The following PPM1L variants were observed in gnomAD, a reference collection of about 807,000 sequenced individuals.
PPM1L encodes the protein protein phosphatase, Mg2+/Mn2+ dependent 1L, also known as protein phosphatase 1L.
In PPM1L, 13 loss-of-function variants were observed where a neutral mutation model predicts 31.4. That is an observed-to-expected ratio of 0.41 (90% CI 0.27 to 0.66). PPM1L has a LOEUF of 0.66. PPM1L is among the 30% of genes least tolerant of loss of function. The pLI, the probability that PPM1L is intolerant of heterozygous loss-of-function variation, is 0.29. For missense variants in PPM1L, 326 were observed against 453.7 expected (o/e 0.72, Z 2.56); for synonymous variants, 184 against 175.4 (o/e 1.05, Z -0.39).
At chr3:160,838,326 G>C (rs747176945) in intron 1 of PPM1L, among the ~76,000 whole-genome samples, 7 of 152,178 alleles carry the variant, frequency 4.6e-5, no homozygotes. Flanking sequence ...CCAACTCATA[G>C]TGGATTAAGT....
chr3:160,939,342 T>C (rs150926462), intron 1 of PPM1L, among the ~76,000 whole-genome samples: 5 of 152,318 alleles, frequency 3.3e-5, no homozygotes, highest in East Asian at 1.9e-4. Flanking sequence ...TTATATAGAA[T>C]GTACTCTCCA....
At chr3:160,979,072 G>A (rs1044966131) in intron 2 of PPM1L, among the ~76,000 whole-genome samples, 1 of 151,906 alleles carries the variant, frequency 6.6e-6, no homozygotes, top group Non-Finnish European at 1.5e-5. Flanking sequence ...TGTTTTGTTT[G>A]ATGTAACGGC....
chr3:160,774,600 T>G (rs1711516822), intron 1 of PPM1L, among the ~76,000 whole-genome samples: 1 of 152,256 alleles, frequency 6.6e-6, no homozygotes, highest in East Asian at 1.9e-4. Context: ...TCTTACCTTC[T>G]GTTGTTTGCC....
In PPM1L at chr3:161,069,310, C is replaced by T. The variant is rs770357378; in HGVS notation, c.*153C>T. On this transcript the variant is annotated 3_prime_UTR_variant, in exon 4 of 4. Transcript: ENST00000498165. ...GTGGTCTTAGGTCTATAATCAGTGA[C>T]GAACAGAGGGTGCCCTTGGCCAATG... 5.6e-5 allele frequency: 36 copies of T among 644,218 alleles called. No individual in the cohort carries two copies. Among genetic ancestry groups the T allele is most frequent in the East Asian group, 3.3e-4 (12 of 36,300 alleles). The allele number at this position is 644,218 out of a possible 1,614,324, so 39.9% of individuals were successfully genotyped here. A position where few individuals can be genotyped will look rare whatever the true frequency, so the allele number is the denominator to read the frequency against.
intron 2 of PPM1L, among the ~76,000 whole-genome samples, chr3:161,032,638 G>A (rs186238613): frequency 3.9e-5 from 6 of 151,916 alleles, no homozygotes; most frequent in African/African-American, 1.4e-4. Context: ...TTGAAGGCTT[G>A]GAGCATGCTT....
Position 160,776,895 on chromosome 3 carries a change from G to A in PPM1L, c.399+20188G>A, listed in dbSNP as rs569225654. ...ATTACAGGCGTGAGCCACCATGCCC[G>A]GCCCTTGGTGGCTTTTATAGAATGG... On this transcript the variant is annotated intron_variant, in intron 1 of 3. Transcript: ENST00000498165. Among the ~76,000 whole-genome samples the A allele has an allele frequency of 4.7e-5, 7 of 149,732 alleles. 1 individual carries two copies. The highest frequency in any genetic ancestry group is 2.3e-4 in the South Asian group (1 of 4,426).
intron 2 of PPM1L, among the ~76,000 whole-genome samples, chr3:161,060,471 G>T (rs1719536009): frequency 1.3e-5 from 2 of 152,160 alleles, no homozygotes; most frequent in South Asian, 4.1e-4. Context: ...AAATGACAGT[G>T]GTTGGGACTG....
At chr3:160,954,956 CTTCCTTTCCTTTCCT>C (rs1553749481) in intron 1 of PPM1L, among the ~76,000 whole-genome samples, 1 of 77,434 alleles carries the variant, frequency 1.3e-5, no homozygotes, top group Non-Finnish European at 2.4e-5. Flanking sequence ...TCCTTCCTTC[CTTCCTTTCCTTTCCT>C]TTCCTTTCCT....
intron 1 of PPM1L, among the ~76,000 whole-genome samples, chr3:160,783,211 A>C (rs979025115): frequency 1.3e-5 from 2 of 152,190 alleles, no homozygotes; most frequent in East Asian, 3.8e-4. Context: ...CAATTGTTTC[A>C]TCATGATGAT....
At chr3:161,031,552 G>T (rs1262124136) in intron 2 of PPM1L, among the ~76,000 whole-genome samples, 1 of 133,454 alleles carries the variant, frequency 7.5e-6, no homozygotes, top group Admixed American at 8.7e-5. Flanking sequence ...CCATGCTGGA[G>T]TGCAGTGGTG....
chr3:160,819,082 C>A (rs182501104), intron 1 of PPM1L, among the ~76,000 whole-genome samples: 1 of 151,928 alleles, frequency 6.6e-6, no homozygotes, highest in East Asian at 1.9e-4. Flanking sequence ...TGGTATAAAC[C>A]ATAATGATGG....
chr3:160,902,244 T>C (rs1713569733), intron 1 of PPM1L, among the ~76,000 whole-genome samples: 1 of 152,148 alleles, frequency 6.6e-6, no homozygotes, highest in Admixed American at 6.6e-5. Context: ...TTGTAATAGT[T>C]CCACAGCCCT....
chr3:160,868,166 T>G (rs1457673540), intron 1 of PPM1L, among the ~76,000 whole-genome samples: 1 of 152,212 alleles, frequency 6.6e-6, no homozygotes, highest in Non-Finnish European at 1.5e-5. Flanking sequence ...AACTGAGCAC[T>G]CCTAATACCT....
At chr3:160,836,102 T>C (rs939939266) in intron 1 of PPM1L, among the ~76,000 whole-genome samples, 1 of 152,172 alleles carries the variant, frequency 6.6e-6, no homozygotes, top group Non-Finnish European at 1.5e-5. Context: ...GCTCTAACTA[T>C]GACAGATAGG....
At position 161,075,975 on chromosome 3, in the gene PPM1L, G is replaced by A. The variant is rs1720084768; in HGVS notation, c.*6818G>A. The A allele has an allele frequency of 6.6e-6, 1 of 152,144 alleles. No homozygotes were observed. The highest frequency in any genetic ancestry group is 1.5e-5 in the Non-Finnish European group (1 of 68,040). The allele number at this position is 152,144 out of a possible 1,614,324, so 9.4% of individuals were successfully genotyped here. A position where few individuals can be genotyped will look rare whatever the true frequency, so the allele number is the denominator to read the frequency against. ...TGAAGTCAGATAAACACAGTCACAG[G>A]TACAACTGGGAGCGAGTTTTAACAT... On this transcript the variant is annotated 3_prime_UTR_variant, in exon 4 of 4. Transcript: ENST00000498165.
At chr3:160,858,394 C>T (rs1019319528) in intron 1 of PPM1L, among the ~76,000 whole-genome samples, 1 of 152,052 alleles carries the variant, frequency 6.6e-6, no homozygotes, top group Non-Finnish European at 1.5e-5. Flanking sequence ...TTGCAGGAGC[C>T]TGCCACCACG....
intron 1 of PPM1L, among the ~76,000 whole-genome samples, chr3:160,820,409 T>G (rs888327273): frequency 1.3e-5 from 2 of 152,072 alleles, no homozygotes; most frequent in African/African-American, 4.8e-5. Context: ...GATGTAAAAT[T>G]TAATGTGCTA....
At chr3:160,977,917 T>G (rs928193989) in intron 2 of PPM1L, among the ~76,000 whole-genome samples, 1 of 152,194 alleles carries the variant, frequency 6.6e-6, no homozygotes, top group Non-Finnish European at 1.5e-5. Flanking sequence ...TCATAAAGAC[T>G]TTATCACAAG....
At position 160,799,171 on chromosome 3, in the gene PPM1L, A is replaced by T. The variant is rs141746209; in HGVS notation, c.399+42464A>T. Among the ~76,000 whole-genome samples the T allele has an allele frequency of 7.0e-3, 1,067 of 152,350 alleles. 11 individuals carry two copies. The highest frequency in any genetic ancestry group is 0.025 in the African/African-American group (1,032 of 41,596). ...AACATTGTTGAAATGACAACAAAGG[A>T]TTTAGAATGTTACATAAACTTCGTT... On this transcript the variant is annotated intron_variant, in intron 1 of 3. Coordinates refer to ENST00000498165, the MANE Select transcript of PPM1L (RefSeq NM_139245.4).
Sources: allele counts gnomAD v4.1 joint callset (sites outside exome capture counted in the v4.1 genomes callset), GRCh38; gene constraint gnomAD v4.1.1; transcripts MANE v1.5; gene names NCBI Gene and HGNC (gene_info 2026-07-23, HGNC 2026-07-21).